Variants in TTC7B observed in about 807,000 individuals in gnomAD.
TTC7B encodes the protein tetratricopeptide repeat protein 7B.
A neutral mutation model predicts 106.8 loss-of-function variants in TTC7B; 28 were observed. That is an observed-to-expected ratio of 0.26 (90% CI 0.19 to 0.36). TTC7B has a LOEUF of 0.36. Among genes scored for constraint, TTC7B ranks in the 10% least tolerant of loss-of-function variants. The pLI is 1.00. For missense variants in TTC7B, 862 were observed against 1,076.4 expected (o/e 0.80, Z 2.79); for synonymous variants, 405 against 430.6 (o/e 0.94, Z 0.74).
chr14:90,710,200 T>G (rs1466594455), intron 5 of TTC7B, among the ~76,000 whole-genome samples: 1 of 152,110 alleles, frequency 6.6e-6, no homozygotes, highest in Non-Finnish European at 1.5e-5. Flanking sequence ...TGAATGACTT[T>G]GAGGGCTTCA....
At chr14:90,616,702 G>A (rs1893093691) in intron 16 of TTC7B, among the ~76,000 whole-genome samples, 1 of 152,042 alleles carries the variant, frequency 6.6e-6, no homozygotes, top group Non-Finnish European at 1.5e-5. Context: ...TTTTTTAACT[G>A]CAGAAACATT....
intron 19 of TTC7B, among the ~76,000 whole-genome samples, chr14:90,555,734 A>T (rs1291655626): frequency 2.6e-5 from 4 of 152,204 alleles, no homozygotes. Context: ...ACTTGACCTC[A>T]ACATCAGTCA....
At chr14:90,661,228 T>C (rs1886192313) in intron 9 of TTC7B, among the ~76,000 whole-genome samples, 1 of 152,222 alleles carries the variant, frequency 6.6e-6, no homozygotes, top group African/African-American at 2.4e-5. Flanking sequence ...ATGCCGGTTT[T>C]GTTAATTACA....
At position 90,538,281 on chromosome 14, in the gene TTC7B, T is replaced by TGGATGGAC. The variant is rs1393120584; in HGVS notation, c.*3086_*3087insGTCCATCC. ...ATGGATGGATGGATGGATGGATGGATGGACGGACGGACGGACGGGTGGACG... is the reference window on the plus strand; with the variant it reads ...ATGGATGGATGGATGGATGGATGGATGGATGGACGGACGGACGGACGGACGGGTGGACG... On this transcript the variant is annotated 3_prime_UTR_variant, in exon 20 of 20. Transcript: ENST00000328459. The TGGATGGAC allele has an allele frequency of 3.1e-5, 3 of 95,700 alleles. No homozygotes were observed. The highest frequency in any genetic ancestry group is 2.1e-4 in the Admixed American group (2 of 9,660). The allele number at this position is 95,700 out of a possible 1,614,324, so 5.9% of individuals were successfully genotyped here.
chr14:90,747,592 A>G (rs952554278), intron 3 of TTC7B, among the ~76,000 whole-genome samples: 14 of 152,010 alleles, frequency 9.2e-5, no homozygotes, highest in African/African-American at 3.4e-4. Context: ...AAAGAATGTG[A>G]CTCTGTTGTT....
intron 4 of TTC7B, among the ~76,000 whole-genome samples, chr14:90,734,405 G>C (rs1244922507): frequency 6.9e-6 from 1 of 144,728 alleles, no homozygotes; most frequent in Non-Finnish European, 1.5e-5. Context: ...GAGTGACAGA[G>C]TGAGACTCTG....
chr14:90,779,365 G>A (rs1466797095), intron 3 of TTC7B, among the ~76,000 whole-genome samples: 2 of 152,060 alleles, frequency 1.3e-5, no homozygotes, highest in Admixed American at 6.6e-5. Context: ...GTGCAATGGC[G>A]CGATCTCAGC....
At chr14:90,682,626 G>T (rs1424203442) in intron 7 of TTC7B, among the ~76,000 whole-genome samples, 1 of 152,324 alleles carries the variant, frequency 6.6e-6, no homozygotes, top group Non-Finnish European at 1.5e-5. Flanking sequence ...CGAGCCTCAG[G>T]GGGAGATACT....
chr14:90,634,442 T>TA (rs1331827261), intron 15 of TTC7B, among the ~76,000 whole-genome samples: 3,886 of 142,432 alleles, frequency 0.027, 142 homozygotes, highest in African/African-American at 0.093. Flanking sequence ...TCAGACTAAG[T>TA]AAAAAAAAAA....
chr14:90,560,538 G>A (rs1453271364), intron 19 of TTC7B, among the ~76,000 whole-genome samples: 1 of 152,226 alleles, frequency 6.6e-6, no homozygotes, highest in Non-Finnish European at 1.5e-5. Flanking sequence ...ATTCAGAAAG[G>A]GAAAGGAGAT....
chr14:90,635,252 T>G (rs918651662), intron 15 of TTC7B, among the ~76,000 whole-genome samples: 8 of 152,058 alleles, frequency 5.3e-5, no homozygotes, highest in African/African-American at 1.5e-4. Context: ...AAAGAGAATG[T>G]TTCTTTTCCA....
At chr14:90,580,959 A>C (rs1410232898) in intron 18 of TTC7B, among the ~76,000 whole-genome samples, 2 of 151,888 alleles carry the variant, frequency 1.3e-5, no homozygotes, top group Admixed American at 1.3e-4. Context: ...CTGACCTTTG[A>C]CCTCAATCAG....
chr14:90,756,952 C>G (rs1318887059), intron 3 of TTC7B, among the ~76,000 whole-genome samples: 1 of 152,194 alleles, frequency 6.6e-6, no homozygotes, highest in Non-Finnish European at 1.5e-5. Flanking sequence ...TAAATATAAA[C>G]AGGAAGCTTT....
At chr14:90,589,540 C>T (rs1212804755) in intron 18 of TTC7B, among the ~76,000 whole-genome samples, 2 of 152,288 alleles carry the variant, frequency 1.3e-5, no homozygotes, top group East Asian at 3.9e-4. Context: ...TTGTTCAGTA[C>T]AGACAGATTT....
At position 90,618,044 on chromosome 14, in the gene TTC7B, G is replaced by T. The variant is rs775815699; in HGVS notation, c.1753C>A (p.Leu585Ile). 4 of 1,610,612 alleles carry T rather than the reference G, an allele frequency of 2.5e-6. No homozygotes were observed. The Admixed American group carries it at 6.7e-5, about 27-fold the overall frequency. Residue 585 changes from leucine to isoleucine, a missense_variant and splice_region_variant, in exon 16 of 20, where the codon CTA becomes ATA. By Grantham distance (5) the Leu-to-Ile change is conservative. Transcript: ENST00000328459. Reference protein sequence around the residue: ...ALSEYPENFILLFSKVKLQSL... With the variant: ...ALSEYPENFIILFSKVKLQSL... The stretch of plus-strand genomic sequence containing the variant: ...TGCAACTTCACTTTGGAAAACAGTA[G>T]TCTGCAGTGGGGAGACAAAGGGAGA...
rs1264126046 is a variant in TTC7B, at chr14:90,808,930, A to G, written c.121+7245T>C. The stretch of plus-strand genomic sequence containing the variant: ...TGCAGGGATGCTCTGGGTAAGTAAG[A>G]GGTGTACCAGTTAGAACGCCTTCAG... On this transcript the variant is annotated intron_variant, in intron 1 of 19. Coordinates refer to ENST00000328459, the MANE Select transcript of TTC7B (RefSeq NM_001010854.2). The surrounding 1 kb of genome is among the most constrained non-coding windows in gnomAD (Gnocchi z 4.2). 6.6e-6 allele frequency among the ~76,000 whole-genome samples: 1 copy of G among 152,166 alleles called. No individual in the cohort carries two copies. The highest frequency in any genetic ancestry group is 1.9e-4 in the East Asian group (1 of 5,190).
Position 90,802,228 on chromosome 14 carries a change from G to A in TTC7B, c.121+13947C>T, listed in dbSNP as rs1024881701. 5.9e-5 allele frequency among the ~76,000 whole-genome samples: 9 copies of A among 152,156 alleles called. No individual in the cohort carries two copies. Among genetic ancestry groups the A allele is most frequent in the African/African-American group, 2.2e-4 (9 of 41,440 alleles). On this transcript the variant is annotated intron_variant, in intron 1 of 19. Coordinates refer to ENST00000328459, the MANE Select transcript of TTC7B (RefSeq NM_001010854.2). The surrounding 1 kb of genome is among the most constrained non-coding windows in gnomAD (Gnocchi z 4.7). ...GTACAAGCCTAACTCACTGGACTGA[G>A]GGTTTGCTAGGGAAGGGTTTGCAGG...
At chr14:90,621,263 G>A (rs1022639611) in intron 15 of TTC7B, among the ~76,000 whole-genome samples, 1 of 150,400 alleles carries the variant, frequency 6.6e-6, no homozygotes, top group African/African-American at 2.5e-5. Flanking sequence ...CCAGAATGTT[G>A]AGCAGAGGCC....
chr14:90,696,469 G>A (rs1325652185), intron 5 of TTC7B, among the ~76,000 whole-genome samples: 1 of 152,152 alleles, frequency 6.6e-6, no homozygotes, highest in Non-Finnish European at 1.5e-5. Flanking sequence ...AAGCCACAGT[G>A]TGGGTCAGCC....
Sources: gnomAD v4.1 joint callset for allele counts (sites outside exome capture counted in the v4.1 genomes callset) on GRCh38, gnomAD v4.1.1 for gene constraint, Gnocchi (gnomAD v3.1) non-coding constraint, MANE v1.5 for transcripts, NCBI Gene and HGNC (gene_info 2026-07-23, HGNC 2026-07-21) for gene names.